KIRREL3: variants seen among roughly 807,000 people sequenced by gnomAD.
KIRREL3 encodes the protein kin of IRRE-like protein 3.
In KIRREL3, 36 loss-of-function variants were observed where a neutral mutation model predicts 89.7. The ratio of observed to expected loss-of-function variants is 0.40; its 90% CI spans 0.31 to 0.53. The LOEUF (loss-of-function observed/expected upper bound fraction) is 0.53. Among genes scored for constraint, KIRREL3 ranks in the 20% least tolerant of loss-of-function variants. The pLI, the probability that KIRREL3 is intolerant of heterozygous loss-of-function variation, is 0.49. For missense variants in KIRREL3, 864 were observed against 1,056.6 expected, an observed-to-expected ratio of 0.82 and a Z score of 2.53; for synonymous variants, 445 against 441.4, an observed-to-expected ratio of 1.01 and a Z score of -0.10.
In KIRREL3 at chr11:126,900,122, C is replaced by T. The variant is rs1946317552; in HGVS notation, c.55+100333G>A. Among the ~76,000 whole-genome samples, 1 of 152,212 alleles carries T rather than the reference C, an allele frequency of 6.6e-6. No homozygotes were observed. Among genetic ancestry groups the T allele is most frequent in the Non-Finnish European group, 1.5e-5 (1 of 68,042 alleles). ...TTGTTTTGCACAATGGAGACACACT[C>T]CTTGGGTCAGGAAACTAAATGTGAG... On this transcript the variant is annotated intron_variant, in intron 1 of 16. Transcript: ENST00000525144. The surrounding 1 kb of genome is among the most constrained non-coding windows in gnomAD (Gnocchi z 4.4).
chr11:126,728,160 A>C (rs1252787705), intron 1 of KIRREL3, among the ~76,000 whole-genome samples: 1 of 152,064 alleles, frequency 6.6e-6, no homozygotes, highest in Non-Finnish European at 1.5e-5. Flanking sequence ...TGGCTGTCAC[A>C]GCTGTGGTGG....
rs925523387 is a variant in KIRREL3, at chr11:126,558,029, C to G, written c.133+4806G>C. ...AGGCATTTCTGCTCTCCCTTGGTCT[C>G]TTGAAGCAGACATCATTGCAATGCT... On this transcript the variant is annotated intron_variant, in intron 2 of 16. Coordinates refer to ENST00000525144, the MANE Select transcript of KIRREL3 (RefSeq NM_032531.4). This position sits in a 1 kb window ranked among gnomAD's most constrained non-coding sequence, Gnocchi z 4.0. 6.6e-6 allele frequency among the ~76,000 whole-genome samples: 1 copy of G among 152,218 alleles called. No individual in the cohort carries two copies. Among genetic ancestry groups the G allele is most frequent in the Non-Finnish European group, 1.5e-5 (1 of 68,030 alleles).
At position 126,877,298 on chromosome 11, in the gene KIRREL3, G is replaced by T. The variant is rs76195887; in HGVS notation, c.55+123157C>A. Among the ~76,000 whole-genome samples the T allele has an allele frequency of 6.6e-6, 1 of 152,164 alleles. No homozygotes were observed. The highest frequency in any genetic ancestry group is 1.5e-5 in the Non-Finnish European group (1 of 68,034). ...AACTGGGCTCAGATAGCAAAAGAGC[G>T]TTCTATATATACATGCATTTTCAAA... On this transcript the variant is annotated intron_variant, in intron 1 of 16. Transcript: ENST00000525144. This position sits in a 1 kb window ranked among gnomAD's most constrained non-coding sequence, Gnocchi z 4.9.
At chr11:126,863,403 G>T (rs373286430) in intron 1 of KIRREL3, among the ~76,000 whole-genome samples, 73,373 of 129,658 alleles carry the variant, frequency 0.57, 21,738 homozygotes, top group African/African-American at 0.75. Context: ...GTGTGAGTGC[G>T]TGAGTGCGTG....
At chr11:126,923,366 TCTC>T (rs201468188) in intron 1 of KIRREL3, among the ~76,000 whole-genome samples, 6,434 of 59,108 alleles carry the variant, frequency 0.11, 277 homozygotes, top group Non-Finnish European at 0.13. Context: ...TCCTTCTCCT[TCTC>T]CTTCTTCCTT....
intron 1 of KIRREL3, among the ~76,000 whole-genome samples, chr11:126,621,707 A>G (rs1361854456): frequency 1.3e-5 from 2 of 152,224 alleles, no homozygotes; most frequent in Non-Finnish European, 2.9e-5. Flanking sequence ...GTCATCTATT[A>G]TAGTTTTACT....
At position 126,656,265 on chromosome 11, in the gene KIRREL3, G is replaced by T; in HGVS notation, c.56-93353C>A. 2.4e-6 allele frequency: 1 copy of T among 409,938 alleles called. No homozygotes were observed. The highest frequency in any genetic ancestry group is 5.0e-6 in the Non-Finnish European group (1 of 200,406). 25.4% of individuals were successfully genotyped at this position (409,938 alleles called of 1,614,324 possible). A position where few individuals can be genotyped will look rare whatever the true frequency, so the allele number is the denominator to read the frequency against. The stretch of plus-strand genomic sequence containing the variant: ...GTTCATATCTGTGAGATATCAGGCT[G>T]GTTTCTTAACCATAACCTCCATGAT... On this transcript the variant is annotated intron_variant, in intron 1 of 16. Transcript: ENST00000525144. This position sits in a 1 kb window ranked among gnomAD's most constrained non-coding sequence, Gnocchi z 4.0.
intron 1 of KIRREL3, among the ~76,000 whole-genome samples, chr11:126,785,874 A>C (rs1290759764): frequency 4.5e-5 from 2 of 44,764 alleles, no homozygotes; most frequent in Admixed American, 2.7e-4. Context: ...CTCCGTCTCA[A>C]AAAAAAAAAA....
At chr11:126,801,044 C>A (rs1951016958) in intron 1 of KIRREL3, among the ~76,000 whole-genome samples, 1 of 152,118 alleles carries the variant, frequency 6.6e-6, no homozygotes, top group African/African-American at 2.4e-5. Context: ...CTGACATTTG[C>A]AAAAATCCAA....
chr11:126,673,288 A>G (rs903214427), intron 1 of KIRREL3, among the ~76,000 whole-genome samples: 1 of 152,256 alleles, frequency 6.6e-6, no homozygotes, highest in Non-Finnish European at 1.5e-5. Context: ...CTGCTTGTTC[A>G]GAATCTGAAC....
At chr11:126,834,210 A>G (rs1943703130) in intron 1 of KIRREL3, among the ~76,000 whole-genome samples, 1 of 152,164 alleles carries the variant, frequency 6.6e-6, no homozygotes, top group Admixed American at 6.5e-5. Context: ...ATCCCAGCAC[A>G]TTATCTCTGT....
chr11:126,861,533 T>A (rs1385629067), intron 1 of KIRREL3, among the ~76,000 whole-genome samples: 1 of 151,868 alleles, frequency 6.6e-6, no homozygotes, highest in East Asian at 1.9e-4. Flanking sequence ...GGAGGTGGAG[T>A]TCACAGGGAA....
intron 1 of KIRREL3, among the ~76,000 whole-genome samples, chr11:126,846,047 T>C (rs1052869063): frequency 2.6e-5 from 4 of 152,228 alleles, no homozygotes; most frequent in Non-Finnish European, 5.9e-5. Flanking sequence ...TCTTCTGTTT[T>C]GCATTGTGTT....
In KIRREL3 at chr11:126,998,956, T is replaced by TGTGC. The variant is rs55920555; in HGVS notation, c.55+1498_55+1499insGCAC. Among the ~76,000 whole-genome samples the TGTGC allele has an allele frequency of 5.9e-4, 71 of 120,688 alleles. 3 individuals carry two copies. In the East Asian group the frequency reaches 9.2e-3, roughly 16 times the overall value. 79.2% of individuals were successfully genotyped at this position (120,688 alleles called of 152,430 possible). A position where few individuals can be genotyped will look rare whatever the true frequency, so the allele number is the denominator to read the frequency against. On this transcript the variant is annotated intron_variant, in intron 1 of 16. Transcript: ENST00000525144. Reference sequence around the variant, plus strand: ...GTGTGTGTGTGTGTGTGTGTGTGTGTGCTCATAAGCAAGCACATACACATC... The same window carrying TGTGC: ...GTGTGTGTGTGTGTGTGTGTGTGTGTGTGCGCTCATAAGCAAGCACATACACATC...
chr11:126,748,181 T>C lies in KIRREL3; in HGVS notation c.56-185269A>G, dbSNP rs1949216703. Among the ~76,000 whole-genome samples the C allele has an allele frequency of 6.6e-6, 1 of 152,196 alleles. No individual in the cohort carries two copies. Among genetic ancestry groups the C allele is most frequent in the East Asian group, 1.9e-4 (1 of 5,184 alleles). On this transcript the variant is annotated intron_variant, in intron 1 of 16. Transcript: ENST00000525144. The surrounding 1 kb of genome is among the most constrained non-coding windows in gnomAD (Gnocchi z 4.6). The stretch of plus-strand genomic sequence containing the variant: ...CAGAGGTGGCCCAGGGCCCATCATT[T>C]GGGGGCAAGAAGCTGCCTGGATGCT...
rs888461923 is a variant in KIRREL3 at position 126,791,200 on chromosome 11, C to G, written c.55+209255G>C. ...AGAAGAAAAGTCTGTGTTTAGGAAA[C>G]CTCTTATTGAGGAAAGAGTACATTT... On this transcript the variant is annotated intron_variant, in intron 1 of 16. Transcript: ENST00000525144. The surrounding 1 kb of genome is among the most constrained non-coding windows in gnomAD (Gnocchi z 4.8). Among the ~76,000 whole-genome samples, 1 of 152,146 alleles carries G rather than the reference C, an allele frequency of 6.6e-6. No individual in the cohort carries two copies. Among genetic ancestry groups the G allele is most frequent in the Non-Finnish European group, 1.5e-5 (1 of 68,032 alleles).
At chr11:126,730,299 C>T (rs532660933) in intron 1 of KIRREL3, among the ~76,000 whole-genome samples, 22 of 152,200 alleles carry the variant, frequency 1.4e-4, no homozygotes, top group Non-Finnish European at 2.1e-4. Flanking sequence ...CCTTCTCCTC[C>T]CTCTTCTCAT....
intron 1 of KIRREL3, among the ~76,000 whole-genome samples, chr11:126,767,083 G>A (rs945719601): frequency 6.6e-6 from 1 of 152,208 alleles, no homozygotes; most frequent in Non-Finnish European, 1.5e-5. Context: ...CTGGCCCAGA[G>A]GGCCCCAGAG....
In KIRREL3 at chr11:126,830,369, C is replaced by T. The variant is rs897137993; in HGVS notation, c.55+170086G>A. Among the ~76,000 whole-genome samples, 3 of 152,148 alleles carry T rather than the reference C, an allele frequency of 2.0e-5. No individual in the cohort carries two copies. Among genetic ancestry groups the T allele is most frequent in the Non-Finnish European group, 2.9e-5 (2 of 68,032 alleles). On this transcript the variant is annotated intron_variant, in intron 1 of 16. Transcript: ENST00000525144. The surrounding 1 kb of genome is among the most constrained non-coding windows in gnomAD (Gnocchi z 4.9). ...TATGAACAGCATCATTACCAAGTGG[C>T]GCCCACAGAATGGAACACAAAGGCA...
Sources: allele counts gnomAD v4.1 joint callset (sites outside exome capture counted in the v4.1 genomes callset), GRCh38; gene constraint gnomAD v4.1.1; non-coding constraint Gnocchi (gnomAD v3.1); transcripts MANE v1.5; gene names NCBI Gene and HGNC (gene_info 2026-07-23, HGNC 2026-07-21).